LEF1: variants seen among roughly 807,000 people sequenced by gnomAD.
LEF1 encodes lymphoid enhancer-binding factor 1.
LEF1 carries 14 observed loss-of-function variants against 51.2 expected under a neutral mutation model. The ratio of observed to expected loss-of-function variants is 0.27; its 90% CI spans 0.18 to 0.43. The LOEUF (loss-of-function observed/expected upper bound fraction) is 0.43, where lower values mean the gene tolerates loss of function less well. Among genes scored for constraint, LEF1 ranks in the 20% least tolerant of loss-of-function variants. The pLI is 1.00. For synonymous variants in LEF1, 185 were observed against 183.2 expected (o/e 1.01, Z -0.08); for missense variants, 386 against 512.0 (o/e 0.75, Z 2.37).
intron 9 of LEF1, among the ~76,000 whole-genome samples, chr4:108,066,757 T>G (rs780740039): frequency 3.2e-4 from 48 of 152,222 alleles, no homozygotes; most frequent in Non-Finnish European, 6.5e-4. Context: ...CAAAAAATTT[T>G]TTTTGTTAAA....
intron 4 of LEF1, among the ~76,000 whole-genome samples, chr4:108,084,653 A>G (rs753912525): frequency 5.9e-5 from 9 of 152,176 alleles, no homozygotes; most frequent in Non-Finnish European, 1.2e-4. Context: ...AAGTTCTTTA[A>G]TTTCTCAACA....
At chr4:108,166,725 C>T (rs978934126) in intron 1 of LEF1, 1 of 989,966 alleles carries the variant, frequency 1.0e-6, no homozygotes, top group Non-Finnish European at 1.2e-6. Flanking sequence ...GACTAGTGCC[C>T]GGCTTCCGCT....
At chr4:108,135,123 G>A (rs977173656) in intron 3 of LEF1, among the ~76,000 whole-genome samples, 18 of 152,172 alleles carry the variant, frequency 1.2e-4, no homozygotes, top group Non-Finnish European at 2.6e-4. Flanking sequence ...GAGGAAGACA[G>A]GAGTTTTAGC....
intron 9 of LEF1, among the ~76,000 whole-genome samples, chr4:108,067,532 CTTTT>C (rs777318718): frequency 7.2e-6 from 1 of 139,276 alleles, no homozygotes; most frequent in Non-Finnish European, 1.6e-5. Context: ...TTAGAAGATC[CTTTT>C]TTTTTTTTTT....
intron 6 of LEF1, 99 bp from the exon 7 acceptor site, chr4:108,079,713 G>C: frequency 8.4e-7 from 1 of 1,192,352 alleles, no homozygotes; most frequent in Non-Finnish European, 1.2e-6. Flanking sequence ...CTGGCTAAGA[G>C]TAAAAACACA....
intron 3 of LEF1, among the ~76,000 whole-genome samples, chr4:108,128,228 A>G (rs138243309): frequency 1.0e-3 from 154 of 152,268 alleles, no homozygotes; most frequent in African/African-American, 3.4e-3. Flanking sequence ...GTTCTCACCA[A>G]GGAAATTTTA....
In LEF1 at chr4:108,099,570, G is replaced by GTGTATATATATA. The variant is rs1266681210; in HGVS notation, c.415-10314_415-10313insTATATATATACA. ...TGTGTGTGTGTATGTGTGTGTGTGT[G>GTGTATATATATA]TATATATATATATATATATATATAT... On this transcript the variant is annotated intron_variant, in intron 3 of 11. Coordinates refer to ENST00000265165, the MANE Select transcript of LEF1 (RefSeq NM_016269.5). 2.7e-4 allele frequency among the ~76,000 whole-genome samples: 19 copies of GTGTATATATATA among 70,206 alleles called. 4 individuals are homozygous for GTGTATATATATA. Among genetic ancestry groups the GTGTATATATATA allele is most frequent in the South Asian group, 6.0e-4 (1 of 1,658 alleles). 46.1% of individuals were successfully genotyped at this position (70,206 alleles called of 152,430 possible). A position where few individuals can be genotyped will look rare whatever the true frequency, so the allele number is the denominator to read the frequency against.
intron 3 of LEF1, among the ~76,000 whole-genome samples, chr4:108,131,086 C>T (rs972871626): frequency 5.3e-5 from 8 of 151,844 alleles, no homozygotes; most frequent in Admixed American, 3.9e-4. Flanking sequence ...AGTGATCCTC[C>T]GCCTCAGCCG....
intron 3 of LEF1, among the ~76,000 whole-genome samples, chr4:108,134,532 A>C (rs1330918526): frequency 6.6e-6 from 1 of 152,212 alleles, no homozygotes; most frequent in Non-Finnish European, 1.5e-5. Flanking sequence ...AAAAGAGGAG[A>C]CTGGAGAAGC....
intron 3 of LEF1, among the ~76,000 whole-genome samples, chr4:108,137,540 G>T (rs1489691543): frequency 1.3e-5 from 2 of 152,280 alleles, no homozygotes; most frequent in Non-Finnish European, 2.9e-5. Context: ...GTTGGCATGA[G>T]GATTAGAGGC....
chr4:108,097,318 T>A (rs759923716), intron 3 of LEF1, among the ~76,000 whole-genome samples: 2 of 152,194 alleles, frequency 1.3e-5, no homozygotes, highest in African/African-American at 4.8e-5. Context: ...CATTATGTTA[T>A]GTGAAATAAG....
At chr4:108,099,350 A>T (rs1740593626) in intron 3 of LEF1, among the ~76,000 whole-genome samples, 1 of 151,600 alleles carries the variant, frequency 6.6e-6, no homozygotes, top group Non-Finnish European at 1.5e-5. Context: ...TAAACAAAAA[A>T]ATTGGCGTTT....
chr4:108,092,343 T>C (rs977003681), intron 3 of LEF1, among the ~76,000 whole-genome samples: 2 of 152,186 alleles, frequency 1.3e-5, no homozygotes, highest in South Asian at 2.1e-4. Context: ...GAAATTTCAA[T>C]AGCATGTGTG....
chr4:108,073,646 CA>C (rs1274230399), intron 8 of LEF1, among the ~76,000 whole-genome samples: 1 of 151,988 alleles, frequency 6.6e-6, no homozygotes, highest in East Asian at 1.9e-4. Flanking sequence ...AATTAACTCC[CA>C]AAATAGGTAT....
intron 3 of LEF1, among the ~76,000 whole-genome samples, chr4:108,158,271 A>T (rs1171749189): frequency 1.3e-5 from 2 of 152,218 alleles, no homozygotes; most frequent in Non-Finnish European, 2.9e-5. Flanking sequence ...TTTCTAAATA[A>T]GTAAGGACAT....
At chr4:108,146,280 G>A (rs1174949479) in intron 3 of LEF1, among the ~76,000 whole-genome samples, 1 of 152,252 alleles carries the variant, frequency 6.6e-6, no homozygotes, top group African/African-American at 2.4e-5. Flanking sequence ...ATGAGAGAGT[G>A]AGCAGAGGAT....
intron 3 of LEF1, among the ~76,000 whole-genome samples, chr4:108,095,252 T>C (rs1042837830): frequency 1.3e-5 from 2 of 152,174 alleles, no homozygotes; most frequent in Non-Finnish European, 2.9e-5. Context: ...GGAAGGAACA[T>C]ATCACAGGGA....
intron 11 of LEF1, among the ~76,000 whole-genome samples, chr4:108,049,098 A>G (rs1736808543): frequency 6.6e-6 from 1 of 152,232 alleles, no homozygotes; most frequent in Non-Finnish European, 1.5e-5. Context: ...GGCAACAGCC[A>G]GATCAGGGAA....
intron 3 of LEF1, among the ~76,000 whole-genome samples, chr4:108,123,437 T>TG (rs1267301770): frequency 6.8e-6 from 1 of 146,738 alleles, no homozygotes; most frequent in African/African-American, 2.5e-5. Context: ...GGTTGGTTTT[T>TG]TTTTTTTTTT....
Sources: gnomAD v4.1 joint callset for allele counts (sites outside exome capture counted in the v4.1 genomes callset) on GRCh38, gnomAD v4.1.1 for gene constraint, MANE v1.5 for transcripts, NCBI Gene and HGNC (gene_info 2026-07-23, HGNC 2026-07-21) for gene names.